The following SLC30A8 variants were observed in gnomAD, a reference collection of about 807,000 sequenced individuals.
The protein encoded by SLC30A8 is solute carrier family 30 member 8, also known as proton-coupled zinc antiporter SLC30A8.
SLC30A8 carries 27 observed loss-of-function variants against 36.9 expected under a neutral mutation model. The observed-to-expected ratio is 0.73, with a 90% confidence interval of 0.54 to 1.01. SLC30A8 has a LOEUF of 1.01. Ranked by LOEUF, SLC30A8 falls within the 50% of genes least tolerant of loss-of-function variation. The pLI is 0.00. For missense variants in SLC30A8, 439 were observed against 452.0 expected, an observed-to-expected ratio of 0.97 and a Z score of 0.26; for synonymous variants, 164 against 172.4, an observed-to-expected ratio of 0.95 and a Z score of 0.38.
chr8:117,056,398 C>T (rs367629120), intron 2 of SLC30A8, among the ~76,000 whole-genome samples: 5 of 152,164 alleles, frequency 3.3e-5, no homozygotes, highest in East Asian at 3.9e-4. Flanking sequence ...TCAGGGCTCG[C>T]GCTGTGGGGA....
At chr8:117,068,449 G>A (rs1317856371) in intron 2 of SLC30A8, among the ~76,000 whole-genome samples, 2 of 152,208 alleles carry the variant, frequency 1.3e-5, no homozygotes, top group Non-Finnish European at 2.9e-5. Flanking sequence ...CTGGCACGGT[G>A]TGCTCTGCCA....
At chr8:116,951,753 A>G (rs556962036) in intron 1 of SLC30A8, among the ~76,000 whole-genome samples, 2 of 152,242 alleles carry the variant, frequency 1.3e-5, no homozygotes, top group South Asian at 4.2e-4. Context: ...TCATTCATTC[A>G]ACATTTTTGT....
intron 2 of SLC30A8, among the ~76,000 whole-genome samples, chr8:117,119,071 T>G (rs1023360604): frequency 2.0e-5 from 3 of 151,856 alleles, no homozygotes; most frequent in African/African-American, 4.8e-5. Context: ...GAGGCCTAAT[T>G]TGAAAAGGAC....
intron 1 of SLC30A8, among the ~76,000 whole-genome samples, chr8:117,016,461 G>A (rs538199605): frequency 2.6e-5 from 4 of 152,266 alleles, no homozygotes; most frequent in African/African-American, 9.6e-5. Context: ...GAACAAGGCA[G>A]CTATCAACTC....
rs1209953777 is a variant in SLC30A8, at chr8:117,135,062, A to G, written c.-266A>G. On this transcript the variant is annotated 5_prime_UTR_variant, in exon 1 of 8. Transcript: ENST00000456015. ...CAGATATCATATGAAAGACATACAC[A>G]CTTCATGTAATGCTACCTGCAAGTC... is the stretch of plus-strand genomic sequence containing the variant. 6.3e-6 allele frequency: 2 copies of G among 315,268 alleles called. No individual in the cohort carries two copies. Among genetic ancestry groups the G allele is most frequent in the East Asian group, 5.2e-5 (1 of 19,306 alleles). 19.5% of individuals were successfully genotyped at this position (315,268 alleles called of 1,614,324 possible).
intron 1 of SLC30A8, among the ~76,000 whole-genome samples, chr8:116,990,317 GA>G (rs35943841): frequency 1.7e-3 from 251 of 148,472 alleles, no homozygotes; most frequent in African/African-American, 5.4e-3. Context: ...GTTTAGAAAG[GA>G]AAAAAAAAAT....
intron 1 of SLC30A8, among the ~76,000 whole-genome samples, chr8:117,022,632 T>C (rs1244566043): frequency 6.6e-6 from 1 of 152,196 alleles, no homozygotes; most frequent in Non-Finnish European, 1.5e-5. Context: ...GGGGAAATGA[T>C]TCCCTTTTTA....
At position 117,032,233 on chromosome 8, in the gene SLC30A8, C is replaced by G. The variant is rs182508981; in HGVS notation, c.-265-6986C>G. On this transcript the variant is annotated intron_variant, in intron 1 of 10. Coordinates refer to the SLC30A8 transcript ENST00000427715. Reference sequence around the variant, plus strand: ...AACCTTCATAATGCTTTACATACCCCCTTCTCAGTACTTGTCAAAGTTTAG... The same window carrying G: ...AACCTTCATAATGCTTTACATACCCGCTTCTCAGTACTTGTCAAAGTTTAG... Among the ~76,000 whole-genome samples, 586 of 152,188 alleles carry G rather than the reference C, an allele frequency of 3.9e-3. 5 individuals are homozygous for G. The highest frequency in any genetic ancestry group is 4.6e-3 in the Non-Finnish European group (313 of 68,010).
chr8:117,033,829 A>G (rs1215795761), intron 1 of SLC30A8, among the ~76,000 whole-genome samples: 1 of 152,216 alleles, frequency 6.6e-6, no homozygotes, highest in African/African-American at 2.4e-5. Context: ...TGAAGTCTTC[A>G]GAAAACAACA....
chr8:117,069,088 CTT>C (rs760099047), intron 2 of SLC30A8, among the ~76,000 whole-genome samples: 25 of 151,988 alleles, frequency 1.6e-4, no homozygotes, highest in Non-Finnish European at 2.9e-4. Context: ...TTTGTATACT[CTT>C]TGAGTAATTT....
At chr8:117,091,205 G>A (rs1452548321) in intron 2 of SLC30A8, among the ~76,000 whole-genome samples, 2 of 152,142 alleles carry the variant, frequency 1.3e-5, no homozygotes, top group African/African-American at 4.8e-5. Context: ...ATGAGTGCAA[G>A]GGACAGAAAG....
rs553795147 is a variant in SLC30A8 at position 117,086,375 on chromosome 8, T to C, written c.-226+47117T>C. Among the ~76,000 whole-genome samples the C allele has an allele frequency of 1.1e-3, 163 of 152,310 alleles. 1 individual carries two copies. Among genetic ancestry groups the C allele is most frequent in the African/African-American group, 3.8e-3 (160 of 41,566 alleles). ...AACATTTTTGCCACCCCACTAATAA[T>C]GGGCTTCTGCTTTAAAAGTCTAAGC... On this transcript the variant is annotated intron_variant, in intron 2 of 10. Coordinates refer to the SLC30A8 transcript ENST00000427715.
chr8:117,172,605 A>C lies in SLC30A8; in HGVS notation c.1034A>C (p.His345Pro). The change falls in exon 8 of 8, where the codon CAC becomes CCC. Residue 345 changes from histidine (H) to proline (P), a missense_variant. His to Pro is a moderately conservative substitution (Grantham distance 77, BLOSUM62 -2). Transcript: ENST00000456015. ...AKALSKSFTMHSLTIQMESPV... is the reference protein window; with the variant it reads ...AKALSKSFTMPSLTIQMESPV... ...GCCCTTAGCAAAAGCTTTACGATGC[A>C]CTCACTCACCATTCAGATGGAATCT... is the stretch of plus-strand genomic sequence containing the variant. 1 of 1,613,702 alleles carries C rather than the reference A, an allele frequency of 6.2e-7. No individual in the cohort carries two copies. Among genetic ancestry groups the C allele is most frequent in the Non-Finnish European group, 8.5e-7 (1 of 1,179,706 alleles).
chr8:117,163,298 A>G, intron 5 of SLC30A8, 127 bp from the exon 6 acceptor site: 1 of 654,682 alleles, frequency 1.5e-6, no homozygotes. Context: ...GTTGGATGAC[A>G]CATGTCAAAA....
intron 2 of SLC30A8, among the ~76,000 whole-genome samples, chr8:117,050,706 G>C (rs578039415): frequency 6.6e-6 from 1 of 152,222 alleles, no homozygotes. Flanking sequence ...ACGCCTGGCT[G>C]ACTGATTTTT....
At chr8:117,031,617 C>T (rs573138442) in intron 1 of SLC30A8, among the ~76,000 whole-genome samples, 4 of 152,158 alleles carry the variant, frequency 2.6e-5, no homozygotes, top group South Asian at 4.2e-4. Flanking sequence ...TGCACCACCA[C>T]ACCCAGCTCA....
chr8:116,986,501 T>C (rs1414431744), intron 1 of SLC30A8, among the ~76,000 whole-genome samples: 2 of 152,190 alleles, frequency 1.3e-5, no homozygotes, highest in African/African-American at 4.8e-5. Context: ...GAAAACTTAA[T>C]TAAAATTCAA....
intron 1 of SLC30A8, among the ~76,000 whole-genome samples, chr8:117,016,480 G>A (rs371379116): frequency 6.6e-6 from 1 of 152,148 alleles, no homozygotes; most frequent in East Asian, 1.9e-4. Context: ...TCCAGGCTGA[G>A]GTGCCAAATA....
At chr8:117,050,251 G>A (rs1347375068) in intron 2 of SLC30A8, among the ~76,000 whole-genome samples, 1 of 152,098 alleles carries the variant, frequency 6.6e-6, no homozygotes, top group African/African-American at 2.4e-5. Context: ...ACTTGAGCAG[G>A]TTCAGAGATG....
Sources: allele counts gnomAD v4.1 joint callset (sites outside exome capture counted in the v4.1 genomes callset), GRCh38; gene constraint gnomAD v4.1.1; transcripts MANE v1.5; gene names NCBI Gene and HGNC (gene_info 2026-07-23, HGNC 2026-07-21).